The following CSMD1 variants were observed in gnomAD, a reference collection of about 807,000 sequenced individuals.
CSMD1 encodes CUB and sushi domain-containing protein 1.
Under a neutral mutation model 417.5 loss-of-function variants are expected in CSMD1, and 213 were observed. The observed-to-expected ratio is 0.51, with a 90% CI of 0.46 to 0.57. The LOEUF is 0.57. Among genes scored for constraint, CSMD1 ranks in the 20% least tolerant of loss-of-function variants. CSMD1 has a pLI of 0.00. For missense variants in CSMD1, 6,923 were observed against 4,529.7 expected, an observed-to-expected ratio of 1.53 and a Z score of -15.17; for synonymous variants, 2,862 against 1,736.8, an observed-to-expected ratio of 1.65 and a Z score of -16.11.
intron 23 of CSMD1, among the ~76,000 whole-genome samples, chr8:3,334,715 G>C (rs77648734): frequency 0.011 from 1,614 of 152,260 alleles, 36 homozygotes; most frequent in African/African-American, 0.037. Flanking sequence ...CAAATGGATG[G>C]GCCATTTTAC....
chr8:4,616,782 A>G (rs905811618), intron 2 of CSMD1, among the ~76,000 whole-genome samples: 6 of 152,100 alleles, frequency 3.9e-5, no homozygotes, highest in African/African-American at 1.2e-4. Context: ...ACCCTTCCTT[A>G]TTTGTAGAAT....
At chr8:4,542,010 G>C (rs2130518689) in intron 2 of CSMD1, among the ~76,000 whole-genome samples, 1 of 152,252 alleles carries the variant, frequency 6.6e-6, no homozygotes, top group East Asian at 1.9e-4. Context: ...GCCACACTCT[G>C]TTGCCAATTG....
intron 1 of CSMD1, among the ~76,000 whole-genome samples, chr8:4,960,438 T>G (rs895869810): frequency 3.3e-5 from 5 of 152,192 alleles, no homozygotes; most frequent in Admixed American, 1.3e-4. Context: ...AAAACTACTT[T>G]CACCTGGCAT....
At chr8:3,069,917 T>C (rs1585271530) in intron 49 of CSMD1, among the ~76,000 whole-genome samples, 1 of 152,366 alleles carries the variant, frequency 6.6e-6, no homozygotes, top group East Asian at 1.9e-4. Flanking sequence ...GTAGAGGCTA[T>C]CAGGTACTCT....
chr8:4,095,812 T>C (rs1315462105), intron 3 of CSMD1, among the ~76,000 whole-genome samples: 1 of 152,246 alleles, frequency 6.6e-6, no homozygotes, highest in African/African-American at 2.4e-5. Flanking sequence ...TATGCATGTT[T>C]ATTCATTTGT....
chr8:3,796,163 A>G lies in CSMD1; in HGVS notation c.819-42121T>C, dbSNP rs933846732. On this transcript the variant is annotated intron_variant, in intron 5 of 69. Transcript: ENST00000635120. ...TCATAGATATAGATATATATCTATC[A>G]TAGATATAGATATATATCTATCATA... 6.3e-4 allele frequency among the ~76,000 whole-genome samples: 8 copies of G among 12,630 alleles called. 1 individual carries two copies. Among genetic ancestry groups the G allele is most frequent in the African/African-American group, 2.0e-3 (7 of 3,454 alleles). 8.3% of individuals were successfully genotyped at this position (12,630 alleles called of 152,430 possible). A position where few individuals can be genotyped will look rare whatever the true frequency, so the allele number is the denominator to read the frequency against.
chr8:3,638,013 T>A lies in CSMD1; in HGVS notation c.1010-21216A>T, dbSNP rs575110556. Among the ~76,000 whole-genome samples, 3 of 152,194 alleles carry A rather than the reference T, an allele frequency of 2.0e-5. No homozygotes were observed. The South Asian group carries it at 6.2e-4, about 32-fold the overall frequency. ...TGTGGAACCATGAGTCCATTAAACC[T>A]ATTTTTCATTATAAATTACGCAGTC... On this transcript the variant is annotated intron_variant, in intron 7 of 69. Coordinates refer to ENST00000635120, the MANE Select transcript of CSMD1 (RefSeq NM_033225.6).
At chr8:3,153,303 C>T (rs1323580877) in intron 39 of CSMD1, among the ~76,000 whole-genome samples, 2 of 152,220 alleles carry the variant, frequency 1.3e-5, no homozygotes, top group African/African-American at 2.4e-5. Context: ...TTTAGCATAT[C>T]ATCAAGAAAC....
intron 23 of CSMD1, among the ~76,000 whole-genome samples, chr8:3,312,219 AG>A (rs1277629815): frequency 6.6e-6 from 1 of 152,202 alleles, no homozygotes; most frequent in Non-Finnish European, 1.5e-5. Context: ...CAATATCAAA[AG>A]TTTTTCTTTC....
chr8:3,142,705 T>C (rs1165621356), intron 40 of CSMD1, 31 bp from the exon 41 acceptor site: 1 of 1,530,638 alleles, frequency 6.5e-7, no homozygotes, highest in South Asian at 1.1e-5. Context: ...TTAATGAAAG[T>C]TCATATCAAA....
intron 10 of CSMD1, among the ~76,000 whole-genome samples, chr8:3,533,033 C>G (rs554669149): frequency 6.6e-6 from 1 of 152,254 alleles, no homozygotes; most frequent in South Asian, 2.1e-4. Context: ...GTTTTAAGGG[C>G]AAAGATGTCT....
At chr8:3,638,528 C>G (rs992400460) in intron 7 of CSMD1, among the ~76,000 whole-genome samples, 5 of 151,982 alleles carry the variant, frequency 3.3e-5, no homozygotes, top group South Asian at 2.1e-4. Context: ...TTTGGTAATT[C>G]AGGAGTAGCA....
chr8:3,684,898 T>C (rs1245554852), intron 7 of CSMD1, among the ~76,000 whole-genome samples: 1 of 152,176 alleles, frequency 6.6e-6, no homozygotes, highest in Non-Finnish European at 1.5e-5. Flanking sequence ...AATTCTCTTC[T>C]GAAATTTGTA....
intron 2 of CSMD1, among the ~76,000 whole-genome samples, chr8:4,479,271 G>C (rs1056497840): frequency 6.6e-6 from 1 of 152,208 alleles, no homozygotes. Context: ...ATAAATCAAA[G>C]TTGCATTTGT....
At chr8:3,350,858 A>C (rs1165377755) in intron 21 of CSMD1, among the ~76,000 whole-genome samples, 1 of 104,062 alleles carries the variant, frequency 9.6e-6, no homozygotes, top group African/African-American at 3.6e-5. Context: ...TTTTTTTTAA[A>C]AAAAGCAGAT....
In CSMD1 at chr8:4,807,398, G is replaced by C. The variant is rs185853127; in HGVS notation, c.86-169840C>G. 5.9e-5 allele frequency among the ~76,000 whole-genome samples: 9 copies of C among 152,220 alleles called. No individual in the cohort carries two copies. The East Asian group carries it at 1.7e-3, about 29-fold the overall frequency. The stretch of plus-strand genomic sequence containing the variant: ...CTTCCCTCACTGCCGGGTGGGAAAC[G>C]TGCTCCAGGCAGCCAAACATTCTCA... On this transcript the variant is annotated intron_variant, in intron 1 of 69. Coordinates refer to ENST00000635120, the MANE Select transcript of CSMD1 (RefSeq NM_033225.6).
At chr8:4,960,206 A>T (rs1488941063) in intron 1 of CSMD1, among the ~76,000 whole-genome samples, 1 of 152,212 alleles carries the variant, frequency 6.6e-6, no homozygotes, top group East Asian at 1.9e-4. Flanking sequence ...GGAAATCTTG[A>T]TCTAGGACAC....
rs1020095459 is a variant in CSMD1 at position 4,283,793 on chromosome 8, A to G, written c.415+136160T>C. On this transcript the variant is annotated intron_variant, in intron 3 of 69. Coordinates refer to ENST00000635120, the MANE Select transcript of CSMD1 (RefSeq NM_033225.6). ...CATGAACCAAAAGGAGAATAAAAAAAAAAATCCGCTTTACCCACCTATAAA... is the reference window on the plus strand; with the variant it reads ...CATGAACCAAAAGGAGAATAAAAAAGAAAATCCGCTTTACCCACCTATAAA... Among the ~76,000 whole-genome samples the G allele has an allele frequency of 1.1e-4, 17 of 152,240 alleles. 1 individual carries two copies. The highest frequency in any genetic ancestry group is 1.1e-3 in the Admixed American group (17 of 15,286).
At chr8:4,756,559 A>G (rs867088743) in intron 1 of CSMD1, among the ~76,000 whole-genome samples, 1 of 152,204 alleles carries the variant, frequency 6.6e-6, no homozygotes, top group Non-Finnish European at 1.5e-5. Context: ...GTATAATGCT[A>G]TTGAAATAGA....
Sources: allele counts gnomAD v4.1 joint callset (sites outside exome capture counted in the v4.1 genomes callset), GRCh38; gene constraint gnomAD v4.1.1; transcripts MANE v1.5; gene names NCBI Gene and HGNC (gene_info 2026-07-23, HGNC 2026-07-21).